The following KIAA1586 variants were observed in gnomAD, a reference collection of about 807,000 sequenced individuals.
KIAA1586 encodes the protein E3 SUMO-protein ligase KIAA1586.
A neutral mutation model predicts 6.1 loss-of-function variants in KIAA1586; 5 were observed. That is an observed-to-expected ratio of 0.82 (90% CI 0.43 to 1.73). KIAA1586 has a LOEUF of 1.73. KIAA1586 is among the 40% of genes most tolerant of loss of function. The pLI, the probability that KIAA1586 is intolerant of heterozygous loss-of-function variation, is 0.02. For synonymous variants in KIAA1586, 280 were observed against 301.7 expected, an observed-to-expected ratio of 0.93 and a Z score of 0.75; for missense variants, 899 against 878.2, an observed-to-expected ratio of 1.02 and a Z score of -0.30.
At chr6:57,046,910 C>T (rs1828211502) in intron 1 of KIAA1586, 134 bp downstream of exon 1, 34 of 1,235,848 alleles carry the variant, frequency 2.8e-5, no homozygotes, top group Admixed American at 9.7e-5. Flanking sequence ...CCGAGCCCAG[C>T]TCTGGGGCCT....
rs147392367 is a variant in KIAA1586, at chr6:57,052,711, G to A, written c.212G>A (p.Arg71Gln). 286 of 1,566,574 alleles carry A rather than the reference G, an allele frequency of 1.8e-4. No individual in the cohort carries two copies. The highest frequency in any genetic ancestry group is 2.2e-4 in the Non-Finnish European group (252 of 1,158,608). Residue 71 changes from arginine (R) to glutamine (Q), a missense_variant, in exon 4 of 4, where the codon CGA becomes CAA. Coordinates refer to ENST00000370733, the MANE Select transcript of KIAA1586 (RefSeq NM_020931.4). ...SDILFPKMPK[R>Q]QGDFLHFLNV... ...ATTCTGTTTCCTAAAATGCCAAAAC[G>A]ACAGGGTGATTTTTTGCATTTTTTA...
chr6:57,056,771 C>CA, downstream of KIAA1586, among the ~76,000 whole-genome samples: 1 of 152,072 alleles, frequency 6.6e-6, no homozygotes, highest in African/African-American at 2.4e-5. Context: ...CTCCTGGGCT[C>CA]AAACAGCCTT....
chr6:57,053,528 A>T lies in KIAA1586; in HGVS notation c.1029A>T (p.Ala343=). The T allele has an allele frequency of 6.2e-7, 1 of 1,613,606 alleles. No individual in the cohort carries two copies. Among genetic ancestry groups the T allele is most frequent in the Non-Finnish European group, 8.5e-7 (1 of 1,179,768 alleles). Residue 343 remains alanine, a synonymous_variant, in exon 4 of 4, where the codon GCA becomes GCT. Transcript: ENST00000370733. ...YLQCTIQSAP[A]PVMLFVALKE... ...AGTGCACAATTCAGTCAGCTCCTGC[A>T]CCTGTTATGTTATTTGTGGCTTTAA...
chr6:57,061,110 T>G, the KIAA1586 span, among the ~76,000 whole-genome samples: 2 of 151,954 alleles, frequency 1.3e-5, no homozygotes, highest in African/African-American at 4.8e-5. Flanking sequence ...CCTGAGTAGC[T>G]GGGATTACAG....
chr6:57,052,112 C>T (rs1828345229), intron 3 of KIAA1586, among the ~76,000 whole-genome samples: 1 of 152,094 alleles, frequency 6.6e-6, no homozygotes, highest in African/African-American at 2.4e-5. Context: ...TATTATCCAC[C>T]CTTCATGTTG....
At chr6:57,061,840 A>G in the KIAA1586 span, among the ~76,000 whole-genome samples, 1 of 152,172 alleles carries the variant, frequency 6.6e-6, no homozygotes, top group African/African-American at 2.4e-5. Context: ...AATATTTAAA[A>G]GTTAACAATA....
intron 2 of KIAA1586, among the ~76,000 whole-genome samples, chr6:57,049,649 A>G (rs1482786399): frequency 6.6e-6 from 1 of 152,194 alleles, no homozygotes; most frequent in Admixed American, 6.5e-5. Flanking sequence ...CCTCCTTGCC[A>G]TCACTATTTT....
intron 1 of KIAA1586, 24 bp downstream of exon 1, chr6:57,046,800 G>C (rs1265764335): frequency 5.6e-6 from 9 of 1,609,156 alleles, no homozygotes; most frequent in Non-Finnish European, 6.8e-6. Flanking sequence ...TGAGGGTCCT[G>C]GCGTTCTCAG....
chr6:57,046,731 T>C lies in KIAA1586; in HGVS notation c.-25T>C. 4 of 1,612,326 alleles carry C rather than the reference T, an allele frequency of 2.5e-6. 1 individual carries two copies. In the South Asian group the frequency reaches 4.4e-5, roughly 18 times the overall value. The stretch of plus-strand genomic sequence containing the variant: ...GCAGTAGGGACAGCAGGAGCAGTGG[T>C]GCTGTCAGCGCGGCCGTCGGAGACA... On this transcript the variant is annotated 5_prime_UTR_variant, in exon 1 of 4. Transcript: ENST00000370733.
chr6:57,054,605 C>G lies in KIAA1586; in HGVS notation c.2106C>G (p.Ile702Met). The stretch of plus-strand genomic sequence containing the variant: ...AAAAGATAGTTAGCACCATTGCAAT[C>G]AATAGTGCTGAAGCTGAAAGGGGTT... Reference protein sequence around the residue: ...KAKKIVSTIAINSAEAERGFN... With the variant: ...KAKKIVSTIAMNSAEAERGFN... The change falls in exon 4 of 4, where the codon ATC (isoleucine) becomes ATG (methionine). Residue 702 changes from isoleucine to methionine, a missense_variant. By Grantham distance (10) the Ile-to-Met change is conservative (BLOSUM62 1). Coordinates refer to ENST00000370733, the MANE Select transcript of KIAA1586 (RefSeq NM_020931.4). 1 of 1,604,250 alleles carries G rather than the reference C, an allele frequency of 6.2e-7. No homozygotes were observed. The highest frequency in any genetic ancestry group is 8.5e-7 in the Non-Finnish European group (1 of 1,173,896).
Position 57,054,944 on chromosome 6 carries a change from A to G in KIAA1586, c.*81A>G, listed in dbSNP as rs1311546365. The G allele has an allele frequency of 8.3e-6, 11 of 1,323,948 alleles. No individual in the cohort carries two copies. Among genetic ancestry groups the G allele is most frequent in the Non-Finnish European group, 1.1e-5 (11 of 1,003,294 alleles). The allele number at this position is 1,323,948 out of a possible 1,614,324, so 82.0% of individuals were successfully genotyped here. A position where few individuals can be genotyped will look rare whatever the true frequency, so the allele number is the denominator to read the frequency against. ...ACATAAAGGTCTTTTTTTTTTTTGGAAAGCCAGTTAAACTTTTATCAGCAT... is the reference window on the plus strand; with the variant it reads ...ACATAAAGGTCTTTTTTTTTTTTGGGAAGCCAGTTAAACTTTTATCAGCAT... On this transcript the variant is annotated 3_prime_UTR_variant, in exon 4 of 4. Coordinates refer to ENST00000370733, the MANE Select transcript of KIAA1586 (RefSeq NM_020931.4).
Position 57,053,314 on chromosome 6 carries a change from T to C in KIAA1586, c.815T>C (p.Leu272Ser). Residue 272 changes from leucine (L) to serine (S), a missense_variant, in exon 4 of 4, where the codon TTA becomes TCA. Leu to Ser is a moderately radical substitution (Grantham distance 145). Coordinates refer to ENST00000370733, the MANE Select transcript of KIAA1586 (RefSeq NM_020931.4). ...TCTGATATTGAGGGGGCAAGAGAAT[T>C]ACAGGAAAAAAATGGAGAGGTAAAT... ...PLSDIEGARE[L>S]QEKNGEVNCL... 6.2e-7 allele frequency: 1 copy of C among 1,612,432 alleles called. No homozygotes were observed. The highest frequency in any genetic ancestry group is 8.5e-7 in the Non-Finnish European group (1 of 1,179,148).
chr6:57,046,840 G>C lies in KIAA1586; in HGVS notation c.21+64G>C, dbSNP rs1593045910. On this transcript the variant is annotated intron_variant, in intron 1 of 3. Coordinates refer to ENST00000370733, the MANE Select transcript of KIAA1586 (RefSeq NM_020931.4). ...GAACCGCGAAGGGTTTGTGTTTTCTGCGGTCTGAGGCCTGGTGCTCCGTCG... is the reference window on the plus strand; with the variant it reads ...GAACCGCGAAGGGTTTGTGTTTTCTCCGGTCTGAGGCCTGGTGCTCCGTCG... 17 of 1,579,632 alleles carry C rather than the reference G, an allele frequency of 1.1e-5. No individual in the cohort carries two copies. In the East Asian group the frequency reaches 2.7e-4, roughly 26 times the overall value.
At chr6:57,058,558 G>A (rs1188745904), downstream of KIAA1586, among the ~76,000 whole-genome samples, 1 of 152,096 alleles carries the variant, frequency 6.6e-6, no homozygotes, top group African/African-American at 2.4e-5. Context: ...ACCAAAAATG[G>A]CAGTTTAATT....
chr6:57,053,245 T>G lies in KIAA1586; in HGVS notation c.746T>G (p.Val249Gly). The G allele has an allele frequency of 6.3e-7, 1 of 1,599,654 alleles. No individual in the cohort carries two copies. Reference sequence around the variant, plus strand: ...AAAAATATTGATGCTACTGTAAAAGTTTTCAATACTGTTTACAGTTTAGTA... The same window carrying G: ...AAAAATATTGATGCTACTGTAAAAGGTTTCAATACTGTTTACAGTTTAGTA... ...NNKNIDATVKVFNTVYSLVKH... is the reference protein window; with the variant it reads ...NNKNIDATVKGFNTVYSLVKH... Residue 249 changes from valine (V) to glycine (G), a missense_variant, in exon 4 of 4, where the codon GTT becomes GGT. By Grantham distance (109) the Val-to-Gly change is moderately radical. Transcript: ENST00000370733.
At chr6:57,058,284 A>G (rs1828524987), downstream of KIAA1586, among the ~76,000 whole-genome samples, 1 of 152,180 alleles carries the variant, frequency 6.6e-6, no homozygotes, top group Non-Finnish European at 1.5e-5. Context: ...TGGTTTGAAA[A>G]TATTTATGCT....
Position 57,055,082 on chromosome 6 carries a change from C to T in KIAA1586, c.*219C>T, listed in dbSNP as rs1231882041. 3 of 421,838 alleles carry T rather than the reference C, an allele frequency of 7.1e-6. No homozygotes were observed. Among genetic ancestry groups the T allele is most frequent in the Non-Finnish European group, 1.2e-5 (3 of 240,972 alleles). The allele number at this position is 421,838 out of a possible 1,614,324, so 26.1% of individuals were successfully genotyped here. A position where few individuals can be genotyped will look rare whatever the true frequency, so the allele number is the denominator to read the frequency against. On this transcript the variant is annotated 3_prime_UTR_variant, in exon 4 of 4. Transcript: ENST00000370733. ...CTAGAGTGGGTCATAATACATATTCCATGAAGTTCTGTACAGAACAAACAC... is the reference window on the plus strand; with the variant it reads ...CTAGAGTGGGTCATAATACATATTCTATGAAGTTCTGTACAGAACAAACAC...
At chr6:57,063,034 G>A in the KIAA1586 span, among the ~76,000 whole-genome samples, 3 of 151,482 alleles carry the variant, frequency 2.0e-5, no homozygotes, top group African/African-American at 7.3e-5. Flanking sequence ...CAGCCTGGGC[G>A]ACAGAGCAAG....
At chr6:57,049,201 A>T (rs1432027006) in intron 2 of KIAA1586, among the ~76,000 whole-genome samples, 10 of 152,188 alleles carry the variant, frequency 6.6e-5, no homozygotes, top group Non-Finnish European at 1.3e-4. Flanking sequence ...CAGTGGTGCC[A>T]CATAAAAGAC....
Sources: allele counts gnomAD v4.1 joint callset (sites outside exome capture counted in the v4.1 genomes callset), GRCh38; gene constraint gnomAD v4.1.1; transcripts MANE v1.5; gene names NCBI Gene and HGNC (gene_info 2026-07-23, HGNC 2026-07-21).